Variants in ENTREP2 observed in about 807,000 individuals in gnomAD.
ENTREP2 encodes protein ENTREP2.
chr15:29,228,536 A>ACATT, the ENTREP2 span, among the ~76,000 whole-genome samples: 1 of 152,178 alleles, frequency 6.6e-6, no homozygotes, highest in South Asian at 2.1e-4. Context: ...TCATGGTTTC[A>ACATT]CACAATGTGA....
chr15:29,525,646 T>C, the ENTREP2 span, among the ~76,000 whole-genome samples: 2 of 152,236 alleles, frequency 1.3e-5, no homozygotes, highest in Admixed American at 1.3e-4. Flanking sequence ...CAAAAGGTTA[T>C]ATGCGGTATA....
At chr15:29,565,770 T>G in the ENTREP2 span, among the ~76,000 whole-genome samples, 2 of 152,076 alleles carry the variant, frequency 1.3e-5, no homozygotes, top group African/African-American at 4.8e-5. Flanking sequence ...GAGACCATCC[T>G]GGCTAACACG....
chr15:29,253,592 A>C, the ENTREP2 span, among the ~76,000 whole-genome samples: 3 of 151,822 alleles, frequency 2.0e-5, no homozygotes, highest in African/African-American at 7.3e-5. Flanking sequence ...ACAGGTGCGC[A>C]CAACCACACC....
chr15:29,649,727 C>CAAAAAAAAAAAAAAAAAAAAAA, the ENTREP2 span, among the ~76,000 whole-genome samples: 1 of 66,946 alleles, frequency 1.5e-5, no homozygotes, highest in African/African-American at 5.0e-5. Flanking sequence ...TCAACAACAA[C>CAAAAAAAAAAAAAAAAAAAAAA]AAAAAAAAAA....
At chr15:29,549,511 C>G in the ENTREP2 span, among the ~76,000 whole-genome samples, 1 of 152,138 alleles carries the variant, frequency 6.6e-6, no homozygotes, top group African/African-American at 2.4e-5. Flanking sequence ...ACCTCGTGAT[C>G]CGCCCGCCTC....
chr15:29,392,419 G>A, the ENTREP2 span, among the ~76,000 whole-genome samples: 1 of 137,860 alleles, frequency 7.3e-6, no homozygotes, highest in East Asian at 2.1e-4. Flanking sequence ...CCCGTTTTTG[G>A]TTTATCTGTA....
chr15:29,521,157 G>A, the ENTREP2 span, among the ~76,000 whole-genome samples: 1 of 152,108 alleles, frequency 6.6e-6, no homozygotes, highest in African/African-American at 2.4e-5. Context: ...CAATGCAGAA[G>A]ACAGCCCCAC....
chr15:29,393,378 G>A, the ENTREP2 span, among the ~76,000 whole-genome samples: 1 of 152,192 alleles, frequency 6.6e-6, no homozygotes, highest in East Asian at 1.9e-4. Context: ...CCCAGGCCAA[G>A]CCCCTACCTT....
the ENTREP2 span, among the ~76,000 whole-genome samples, chr15:29,415,450 C>T: frequency 1.5e-4 from 23 of 152,064 alleles, no homozygotes; most frequent in Admixed American, 1.5e-3. Flanking sequence ...AATTCAACAA[C>T]CCTTCATGCT....
the ENTREP2 span, among the ~76,000 whole-genome samples, chr15:29,212,326 C>T: frequency 6.6e-6 from 1 of 152,102 alleles, no homozygotes; most frequent in African/African-American, 2.4e-5. Flanking sequence ...TGTAATACCT[C>T]CCCCGTTTCA....
At chr15:29,656,115 A>G in the ENTREP2 span, among the ~76,000 whole-genome samples, 1 of 152,092 alleles carries the variant, frequency 6.6e-6, no homozygotes, top group East Asian at 1.9e-4. Context: ...TGAATTCTAT[A>G]CCCAGTGAAA....
At chr15:29,136,922 G>A in the ENTREP2 span, 1 of 942,716 alleles carries the variant, frequency 1.1e-6, no homozygotes, top group Non-Finnish European at 1.5e-6. Flanking sequence ...TCCTTCCACT[G>A]CCCCTCCTCT....
At chr15:29,362,517 G>A in the ENTREP2 span, among the ~76,000 whole-genome samples, 3 of 151,714 alleles carry the variant, frequency 2.0e-5, no homozygotes, top group African/African-American at 2.4e-5. Context: ...TGGGACTAGA[G>A]GCACACGCCG....
chr15:29,606,674 A>G, the ENTREP2 span, among the ~76,000 whole-genome samples: 11 of 152,008 alleles, frequency 7.2e-5, no homozygotes, highest in Non-Finnish European at 1.0e-4. Flanking sequence ...TCTTTTCCTT[A>G]TAAGTCACAT....
the ENTREP2 span, among the ~76,000 whole-genome samples, chr15:29,634,381 G>A: frequency 6.6e-6 from 1 of 152,098 alleles, no homozygotes; most frequent in Non-Finnish European, 1.5e-5. Context: ...GCAACTTGCA[G>A]TAGGCTCCGC....
chr15:29,472,592 G>A, the ENTREP2 span, among the ~76,000 whole-genome samples: 2 of 152,012 alleles, frequency 1.3e-5, no homozygotes, highest in East Asian at 1.9e-4. Flanking sequence ...AGCCTCCCAA[G>A]TAGCTGGGAT....
chr15:29,600,902 C>CCTTTTTTTTTT, the ENTREP2 span, among the ~76,000 whole-genome samples: 8 of 123,610 alleles, frequency 6.5e-5, no homozygotes, highest in African/African-American at 2.2e-4. Context: ...ATTTTTCTTT[C>CCTTTTTTTTTT]TTTTTTTTTT....
At chr15:29,542,325 G>T in the ENTREP2 span, among the ~76,000 whole-genome samples, 2 of 151,174 alleles carry the variant, frequency 1.3e-5, no homozygotes, top group African/African-American at 4.9e-5. Context: ...GCTTTACGGA[G>T]TCTCACTCTG....
the ENTREP2 span, among the ~76,000 whole-genome samples, chr15:29,322,278 A>C: frequency 6.6e-6 from 1 of 152,164 alleles, no homozygotes; most frequent in South Asian, 2.1e-4. Flanking sequence ...TTTTGTGTTA[A>C]GAACACTTAA....
Sources: allele counts gnomAD v4.1 joint callset (sites outside exome capture counted in the v4.1 genomes callset), GRCh38; gene constraint gnomAD v4.1.1; transcripts MANE v1.5; gene names NCBI Gene and HGNC (gene_info 2026-07-23, HGNC 2026-07-21).